The following KY variants were observed in gnomAD, a reference collection of about 807,000 sequenced individuals.
The protein encoded by KY is kyphoscoliosis peptidase.
In KY, 43 loss-of-function variants were observed where a neutral mutation model predicts 76.1. The ratio of observed to expected loss-of-function variants is 0.57; its 90% CI spans 0.44 to 0.73. KY has a LOEUF of 0.73. Ranked by LOEUF, KY falls within the 30% of genes least tolerant of loss-of-function variation. The pLI, the probability that KY is intolerant of heterozygous loss-of-function variation, is 0.00. For synonymous variants in KY, 277 were observed against 326.2 expected, an observed-to-expected ratio of 0.85 and a Z score of 1.63; for missense variants, 722 against 828.9, an observed-to-expected ratio of 0.87 and a Z score of 1.58.
At position 134,601,462 on chromosome 3, in the gene KY, C is replaced by A. The variant is rs566266076; in HGVS notation, c.*2117G>T. On this transcript the variant is annotated 3_prime_UTR_variant, in exon 11 of 11. Transcript: ENST00000423778. ...AGCGCGGGGTCCAGTGAGTGACATG[C>A]GTCATCGAAGGCACTTATTGTTTTG... Among the ~76,000 whole-genome samples the A allele has an allele frequency of 6.6e-6, 1 of 152,214 alleles. No individual in the cohort carries two copies. Among genetic ancestry groups the A allele is most frequent in the Non-Finnish European group, 1.5e-5 (1 of 68,034 alleles).
chr3:134,610,007 C>G (rs1457202917), intron 9 of KY, among the ~76,000 whole-genome samples, 188 bp downstream of exon 9: 1 of 152,052 alleles, frequency 6.6e-6, no homozygotes, highest in Non-Finnish European at 1.5e-5. Context: ...GGTGAGGTGA[C>G]AAAAGGGTCT....
intron 8 of KY, among the ~76,000 whole-genome samples, chr3:134,613,659 T>C (rs1475705788): frequency 6.6e-6 from 1 of 152,182 alleles, no homozygotes; most frequent in Non-Finnish European, 1.5e-5. Flanking sequence ...AGAAAAAAGA[T>C]GAAAATATAA....
At chr3:134,626,676 G>A (rs1963496120) in intron 5 of KY, among the ~76,000 whole-genome samples, 2 of 152,198 alleles carry the variant, frequency 1.3e-5, no homozygotes, top group South Asian at 2.1e-4. Context: ...CTCTAGACCT[G>A]GCTCCAGCCC....
chr3:134,619,130 G>A lies in KY; in HGVS notation c.710+18C>T, dbSNP rs757197373. On this transcript the variant is annotated intron_variant, in intron 8 of 10. Transcript: ENST00000423778. Reference sequence around the variant, plus strand: ...GGATGGGTCCGGTGGTCAGCATGGGGACTCCTGTCTCTCGTACCTGCACAT... The same window carrying A: ...GGATGGGTCCGGTGGTCAGCATGGGAACTCCTGTCTCTCGTACCTGCACAT... The A allele has an allele frequency of 6.3e-7, 1 of 1,593,350 alleles. No individual in the cohort carries two copies. The highest frequency in any genetic ancestry group is 2.2e-5 in the East Asian group (1 of 44,758).
At chr3:134,633,750 C>T (rs1050876648) in intron 3 of KY, among the ~76,000 whole-genome samples, 1 of 151,974 alleles carries the variant, frequency 6.6e-6, no homozygotes. Flanking sequence ...GAAGTCCCAC[C>T]CTGTGTAATA....
chr3:134,645,573 A>G (rs2108024599), intron 2 of KY, among the ~76,000 whole-genome samples: 1 of 152,350 alleles, frequency 6.6e-6, no homozygotes, highest in East Asian at 1.9e-4. Context: ...ACAGAAAGAA[A>G]CTAATTTTAA....
chr3:134,638,327 C>G (rs1328346285), intron 3 of KY, among the ~76,000 whole-genome samples: 25 of 152,196 alleles, frequency 1.6e-4, no homozygotes, highest in Admixed American at 1.6e-3. Flanking sequence ...TGTGGCCAAT[C>G]TCTAACAGAG....
intron 2 of KY, among the ~76,000 whole-genome samples, chr3:134,647,018 A>G (rs1966519944): frequency 6.6e-6 from 1 of 152,102 alleles, no homozygotes; most frequent in Non-Finnish European, 1.5e-5. Context: ...GAGCTATAGA[A>G]CCCTTGAGTG....
chr3:134,644,686 T>G, intron 2 of KY, among the ~76,000 whole-genome samples: 1 of 152,234 alleles, frequency 6.6e-6, no homozygotes, highest in East Asian at 1.9e-4. Flanking sequence ...TAGATGATTC[T>G]TCTTGTGCAG....
intron 3 of KY, among the ~76,000 whole-genome samples, chr3:134,636,330 C>T (rs1217067921): frequency 1.3e-5 from 2 of 152,178 alleles, no homozygotes; most frequent in African/African-American, 4.8e-5. Context: ...GCAATTCCTC[C>T]CAATGAGAGG....
rs75791308 is a variant in KY at position 134,637,928 on chromosome 3, C to T, written c.262+5388G>A. ...ACGGCCCTGGCCCAGATGCTCCAGC[C>T]ATCACTATTCCTAATCCCTTCTCTC... On this transcript the variant is annotated intron_variant, in intron 3 of 10. Transcript: ENST00000423778. 9.9e-3 allele frequency among the ~76,000 whole-genome samples: 1,515 copies of T among 152,346 alleles called. 26 individuals are homozygous for T. The highest frequency in any genetic ancestry group is 0.035 in the African/African-American group (1,441 of 41,570).
rs1310999305 is a variant in KY, at chr3:134,628,169, A to C, written c.338-351T>G. 4 of 283,344 alleles carry C rather than the reference A, an allele frequency of 1.4e-5. No homozygotes were observed. In the East Asian group the frequency reaches 3.0e-4, roughly 22 times the overall value. 17.6% of individuals were successfully genotyped at this position (283,344 alleles called of 1,614,324 possible). ...TGGAGTTTCCTGCTTTCTTGAATCC[A>C]CTGCCAGATAATGCCGGGATAAGAA... On this transcript the variant is annotated intron_variant, in intron 4 of 10. Coordinates refer to ENST00000423778, the MANE Select transcript of KY (RefSeq NM_178554.6).
At position 134,604,442 on chromosome 3, in the gene KY, A is replaced by T; in HGVS notation, c.1123T>A (p.Cys375Ser). Reference sequence around the variant, plus strand: ...ATGAACATGAACAGCGTCGGGGCGCAGCTCTCAATGGTGACCGTGGCCTTC... The same window carrying T: ...ATGAACATGAACAGCGTCGGGGCGCTGCTCTCAATGGTGACCGTGGCCTTC... Reference protein sequence around the residue: ...NGKATVTIESCAPTLFMFMLN... With the variant: ...NGKATVTIESSAPTLFMFMLN... The change falls in exon 11 of 11, where the codon TGC (cysteine) becomes AGC (serine). Residue 375 changes from cysteine (C) to serine (S), a missense_variant. Physicochemically the swap from Cys to Ser is moderately radical, Grantham distance 112 (BLOSUM62 -1). Coordinates refer to ENST00000423778, the MANE Select transcript of KY (RefSeq NM_178554.6). The T allele has an allele frequency of 6.2e-7, 1 of 1,612,760 alleles. No homozygotes were observed. The highest frequency in any genetic ancestry group is 8.5e-7 in the Non-Finnish European group (1 of 1,179,272).
chr3:134,620,250 T>G (rs1426250911), intron 7 of KY, among the ~76,000 whole-genome samples: 1 of 152,134 alleles, frequency 6.6e-6, no homozygotes, highest in African/African-American at 2.4e-5. Context: ...TCCAAGAACC[T>G]TGGAGACTGC....
At chr3:134,612,272 C>T (rs1417167906) in intron 8 of KY, among the ~76,000 whole-genome samples, 2 of 152,174 alleles carry the variant, frequency 1.3e-5, no homozygotes, top group African/African-American at 2.4e-5. Context: ...GGACAGACTG[C>T]AAGAGAAACT....
intron 6 of KY, among the ~76,000 whole-genome samples, chr3:134,623,201 C>CCTG (rs1405288586): frequency 2.6e-5 from 4 of 152,206 alleles, no homozygotes; most frequent in African/African-American, 9.6e-5. Context: ...CTGGCCACTC[C>CCTG]CTGCTCTGTG....
At chr3:134,608,593 C>G (rs1054454416) in intron 10 of KY, 56 bp downstream of exon 10, 1 of 1,613,576 alleles carries the variant, frequency 6.2e-7, no homozygotes, top group Non-Finnish European at 8.5e-7. Flanking sequence ...TCCTGGAGGA[C>G]AGTGCGAAAT....
At chr3:134,646,323 T>C (rs544116765) in intron 2 of KY, among the ~76,000 whole-genome samples, 1 of 152,010 alleles carries the variant, frequency 6.6e-6, no homozygotes, top group East Asian at 1.9e-4. Flanking sequence ...TCCCTGGCAG[T>C]GGTGGGGTGG....
At chr3:134,618,693 C>T (rs903988611) in intron 8 of KY, among the ~76,000 whole-genome samples, 8 of 152,202 alleles carry the variant, frequency 5.3e-5, no homozygotes, top group African/African-American at 1.2e-4. Flanking sequence ...GTAGCCGCTT[C>T]GTAGTGATTC....
Sources: gnomAD v4.1 joint callset for allele counts (sites outside exome capture counted in the v4.1 genomes callset) on GRCh38, gnomAD v4.1.1 for gene constraint, MANE v1.5 for transcripts, NCBI Gene and HGNC (gene_info 2026-07-23, HGNC 2026-07-21) for gene names.